The following TAL1 variants were observed in gnomAD, a reference collection of about 807,000 sequenced individuals.
TAL1 encodes the protein T-cell acute lymphocytic leukemia protein 1.
In TAL1, 8 loss-of-function variants were observed where a neutral mutation model predicts 17.9. That is an observed-to-expected ratio of 0.45 (90% CI 0.26 to 0.81). TAL1 has a LOEUF of 0.81. Ranked by LOEUF, TAL1 falls within the 30% of genes least tolerant of loss-of-function variation. The pLI is 0.17. For missense variants in TAL1, 466 were observed against 486.9 expected (o/e 0.96, Z 0.40); for synonymous variants, 223 against 218.6 (o/e 1.02, Z -0.18).
chr1:47,216,813 T>C (rs972544656), exon 4 of TAL1: 4 of 231,502 alleles, frequency 1.7e-5, no homozygotes, highest in African/African-American at 6.6e-5. Flanking sequence ...TGTTTTACCT[T>C]TATGTTCTTT....
chr1:47,227,086 A>T (rs979758423), intron 1 of TAL1: 1 of 152,230 alleles, frequency 6.6e-6, no homozygotes, highest in Non-Finnish European at 1.5e-5. Flanking sequence ...ACCCTCCTGT[A>T]TTCCCAGAGC....
intron 1 of TAL1, chr1:47,226,223 G>A: frequency 3.0e-6 from 1 of 337,314 alleles, no homozygotes; most frequent in South Asian, 7.4e-5. Context: ...GGGAAATCAG[G>A]AGGAAGGAAA....
At chr1:47,219,144 ATCT>A (rs1173584952) in exon 4 of TAL1, 6 of 422,308 alleles carry the variant, frequency 1.4e-5, no homozygotes, top group East Asian at 4.1e-5. Context: ...TCCACTGATC[ATCT>A]TCTTCAACCA....
intron 2 of TAL1, among the ~76,000 whole-genome samples, 172 bp from the exon 4 acceptor site, chr1:47,224,270 G>A (rs971002832): frequency 2.6e-5 from 4 of 151,378 alleles, no homozygotes; most frequent in African/African-American, 7.3e-5. Flanking sequence ...ACATACACAC[G>A]GAATGCCCTC....
At chr1:47,218,657 G>T (rs2148583575) in exon 4 of TAL1, 1 of 233,018 alleles carries the variant, frequency 4.3e-6, no homozygotes, top group East Asian at 6.0e-5. Flanking sequence ...GAGCGCTAAA[G>T]ATTCCACCAA....
chr1:47,230,229 A>G (rs990511622), upstream of TAL1: 6 of 152,228 alleles, frequency 3.9e-5, no homozygotes, highest in Admixed American at 2.0e-4. Flanking sequence ...GAAAGGAGGT[A>G]AAAACAAACC....
intron 1 of TAL1, chr1:47,227,919 G>A (rs1643937143): frequency 6.6e-6 from 1 of 152,268 alleles, no homozygotes; most frequent in East Asian, 1.9e-4. Context: ...ACACCGGTGT[G>A]AGCCCAGTGA....
exon 1 of TAL1, chr1:47,229,490 A>C (rs1363760663): frequency 5.7e-6 from 1 of 174,450 alleles, no homozygotes; most frequent in Non-Finnish European, 1.2e-5. Context: ...AGGGAATCGC[A>C]AACAGCTTTC....
At chr1:47,223,669 T>A (rs1426550501) in intron 3 of TAL1, 7 of 213,888 alleles carry the variant, frequency 3.3e-5, no homozygotes, top group Admixed American at 1.1e-4. Context: ...CCACTTGGGA[T>A]CCTTGCCAAA....
At chr1:47,225,559 C>T in exon 2 of TAL1, 1 of 1,279,198 alleles carries the variant, frequency 7.8e-7, no homozygotes, top group Non-Finnish European at 9.8e-7. Flanking sequence ...CGGGCAGCTC[C>T]GCTGTAACCG....
exon 4 of TAL1, chr1:47,217,680 G>A (rs1645524802): frequency 5.0e-6 from 2 of 398,558 alleles, no homozygotes; most frequent in East Asian, 7.1e-5. Flanking sequence ...AAGTCTGAAA[G>A]AAGAGGGAGC....
chr1:47,225,433 G>A lies in TAL1; in HGVS notation c.446+10C>T. 1.6e-6 allele frequency: 2 copies of A among 1,230,254 alleles called. No homozygotes were observed. Among genetic ancestry groups the A allele is most frequent in the Admixed American group, 4.2e-5 (1 of 23,630 alleles). 76.2% of individuals were successfully genotyped at this position (1,230,254 alleles called of 1,614,324 possible). ...GCCCAGCCCCTGGCCCCTGGCCCCT[G>A]GCCCCTGACCTGCCGAGAGAGGCCA... On this transcript the variant is annotated intron_variant, in intron 2 of 3. Transcript: ENST00000294339.
At chr1:47,226,791 G>T (rs1327398214) in intron 1 of TAL1, among the ~76,000 whole-genome samples, 3 of 152,220 alleles carry the variant, frequency 2.0e-5, no homozygotes, top group East Asian at 1.9e-4. Flanking sequence ...CATTTGAAGG[G>T]TTCCCTGAGG....
chr1:47,217,779 C>A, exon 4 of TAL1: 1 of 398,608 alleles, frequency 2.5e-6, no homozygotes, highest in South Asian at 1.3e-4. Context: ...ATTCCTAACT[C>A]AAGCGAATCC....
chr1:47,220,382 T>C (rs1222345254), intron 3 of TAL1, among the ~76,000 whole-genome samples: 4 of 152,180 alleles, frequency 2.6e-5, no homozygotes, highest in African/African-American at 9.6e-5. Flanking sequence ...ACCACCACGA[T>C]ACCGCAATCC....
At chr1:47,227,120 C>G (rs1569922748) in intron 1 of TAL1, 1 of 152,328 alleles carries the variant, frequency 6.6e-6, no homozygotes, top group Admixed American at 6.5e-5. Flanking sequence ...TGTGACCCCA[C>G]AAGCATACTC....
chr1:47,223,982 C>G (rs368159096), intron 3 of TAL1, 22 bp downstream of exon 4: 2 of 1,609,468 alleles, frequency 1.2e-6, no homozygotes, highest in East Asian at 2.2e-5. Flanking sequence ...GCAGGTACAA[C>G]GGTGGGGTGG....
chr1:47,224,821 G>A (rs574348341), intron 2 of TAL1, among the ~76,000 whole-genome samples: 10 of 152,332 alleles, frequency 6.6e-5, no homozygotes, highest in South Asian at 2.1e-4. Flanking sequence ...AGTAGCGCCA[G>A]CAGGGAAACG....
chr1:47,223,015 T>C (rs1643854015), intron 3 of TAL1, among the ~76,000 whole-genome samples: 1 of 152,142 alleles, frequency 6.6e-6, no homozygotes, highest in African/African-American at 2.4e-5. Context: ...CCAGGCTGCT[T>C]GGGTCTTTTG....
Sources: gnomAD v4.1 joint callset for allele counts (sites outside exome capture counted in the v4.1 genomes callset) on GRCh38, gnomAD v4.1.1 for gene constraint, MANE v1.5 for transcripts, NCBI Gene and HGNC (gene_info 2026-07-23, HGNC 2026-07-21) for gene names.